The following KIF25 variants were observed in gnomAD, a reference collection of about 807,000 sequenced individuals.
KIF25 encodes kinesin family member 25.
Under a neutral mutation model 32.9 loss-of-function variants are expected in KIF25, and 19 were observed. The observed-to-expected ratio is 0.58, with a 90% confidence interval of 0.40 to 0.85. KIF25 has a LOEUF of 0.85. Among genes scored for constraint, KIF25 ranks in the 40% least tolerant of loss-of-function variants. KIF25 has a pLI of 0.00. For synonymous variants in KIF25, 225 were observed against 213.7 expected (o/e 1.05, Z -0.46); for missense variants, 485 against 507.0 (o/e 0.96, Z 0.42).
intron 4 of KIF25, among the ~76,000 whole-genome samples, chr6:168,017,609 G>T (rs2114881324): frequency 6.6e-6 from 1 of 152,306 alleles, no homozygotes; most frequent in Non-Finnish European, 1.5e-5. Context: ...ACTGTCAAGG[G>T]CCCTTAGAGT....
chr6:167,999,437 C>G (rs941903904), intron 2 of KIF25, 117 bp downstream of exon 2: 2 of 152,366 alleles, frequency 1.3e-5, no homozygotes, highest in African/African-American at 4.8e-5. Flanking sequence ...AGGACATTCT[C>G]GAGTTGTGGG....
At position 168,042,759 on chromosome 6, in the gene KIF25, A is replaced by G. The variant is rs376288115; in HGVS notation, c.985+43A>G. On this transcript the variant is annotated intron_variant, in intron 12 of 12. Transcript: ENST00000643607. ...AATGCCCCAGGATGGGGGACCACGTACCCCAGGACATGTGCACACACTTCT... is the reference window on the plus strand; with the variant it reads ...AATGCCCCAGGATGGGGGACCACGTGCCCCAGGACATGTGCACACACTTCT... 2.4e-5 allele frequency: 37 copies of G among 1,570,852 alleles called. No individual in the cohort carries two copies. In the African/African-American group the frequency reaches 4.6e-4, roughly 19 times the overall value.
chr6:168,038,722 G>T lies in KIF25; in HGVS notation c.487G>T (p.Ala163Ser). 1 of 1,613,266 alleles carries T rather than the reference G, an allele frequency of 6.2e-7. No homozygotes were observed. The highest frequency in any genetic ancestry group is 8.5e-7 in the Non-Finnish European group (1 of 1,179,894). ...TGGACGGACAGAGGTTGCGCTGCTG[G>T]CCTCTGAGTGAGTACTGCACCTGCC... ...KDGRTEVALL[A>S]SEAVGSASKL... The change falls in exon 9 of 13, where the codon GCC (alanine) becomes TCC (serine). Residue 163 changes from alanine (A) to serine (S), a missense_variant. Coordinates refer to ENST00000643607, the MANE Select transcript of KIF25 (RefSeq NM_030615.4).
At chr6:168,008,825 T>G (rs1470290956) in intron 4 of KIF25, among the ~76,000 whole-genome samples, 1 of 152,172 alleles carries the variant, frequency 6.6e-6, no homozygotes. Flanking sequence ...TTTTAAATTT[T>G]TTGCAGCTAT....
At chr6:168,016,624 C>CA (rs1410123156) in intron 4 of KIF25, among the ~76,000 whole-genome samples, 5 of 152,254 alleles carry the variant, frequency 3.3e-5, no homozygotes, top group African/African-American at 1.2e-4. Context: ...CAACAGGTGG[C>CA]ATTCTGCGTC....
At chr6:168,024,423 CTTTTTTTTTTTT>C (rs56243912) in intron 5 of KIF25, among the ~76,000 whole-genome samples, 34 of 61,998 alleles carry the variant, frequency 5.5e-4, no homozygotes, top group African/African-American at 2.0e-3. Flanking sequence ...AAACCTCTCT[CTTTTTTTTTTTT>C]TTTTTTTTTT....
intron 4 of KIF25, among the ~76,000 whole-genome samples, chr6:168,005,781 G>A (rs370321398): frequency 4.6e-5 from 7 of 152,278 alleles, no homozygotes; most frequent in East Asian, 3.9e-4. Context: ...ATTTGCTGGC[G>A]GCTGATTAGA....
chr6:168,001,415 C>T (rs1370938802), intron 2 of KIF25, among the ~76,000 whole-genome samples: 4 of 152,246 alleles, frequency 2.6e-5, no homozygotes, highest in Non-Finnish European at 5.9e-5. Flanking sequence ...TTACATGGCA[C>T]TTCCAGACGG....
intron 5 of KIF25, among the ~76,000 whole-genome samples, chr6:168,026,019 G>T (rs138710124): frequency 2.6e-5 from 4 of 152,214 alleles, no homozygotes; most frequent in Admixed American, 1.3e-4. Context: ...CTTTCAGGCC[G>T]TTGGTCGTCC....
intron 8 of KIF25, among the ~76,000 whole-genome samples, chr6:168,036,380 CAG>C (rs566476966): frequency 6.6e-6 from 1 of 152,214 alleles, no homozygotes; most frequent in South Asian, 2.1e-4. Flanking sequence ...TGGGCAGGAA[CAG>C]ATGGCAGAGA....
chr6:168,023,686 C>G (rs1414013045), intron 5 of KIF25, among the ~76,000 whole-genome samples: 1 of 152,230 alleles, frequency 6.6e-6, no homozygotes, highest in Non-Finnish European at 1.5e-5. Flanking sequence ...AAGGCGTGAG[C>G]CACCGTGCCC....
intron 5 of KIF25, among the ~76,000 whole-genome samples, chr6:168,020,153 C>T (rs997450677): frequency 6.6e-6 from 1 of 151,840 alleles, no homozygotes; most frequent in Admixed American, 6.6e-5. Flanking sequence ...AACAAACAAA[C>T]AAACAGAGAA....
At position 168,003,651 on chromosome 6, in the gene KIF25, C is replaced by T. The variant is rs1160765983; in HGVS notation, c.-215C>T. The T allele has an allele frequency of 6.6e-6, 1 of 152,236 alleles. No homozygotes were observed. Among genetic ancestry groups the T allele is most frequent in the African/African-American group, 2.4e-5 (1 of 41,446 alleles). The allele number at this position is 152,236 out of a possible 1,614,324, so 9.4% of individuals were successfully genotyped here. ...AGAAGCGGCCCATGCTGTTGATGAC[C>T]TGAGTCTACAAGTTTCCTCACAAAT... On this transcript the variant is annotated 5_prime_UTR_variant, in exon 4 of 13. Transcript: ENST00000643607.
At position 168,040,206 on chromosome 6, in the gene KIF25, T is replaced by G. The variant is rs755565582; in HGVS notation, c.636T>G (p.Ser212=). The part of the protein sequence containing the change: ...ITVTLTTASC[S]DSTADQACSA... ...TGACTCTAACCACAGCCTCCTGCTC[T>G]GACAGCACTGGTAAGTCACCATTTG... The change falls in exon 10 of 13, where the codon TCT becomes TCG. Residue 212 remains serine (S), a synonymous_variant. Coordinates refer to ENST00000643607, the MANE Select transcript of KIF25 (RefSeq NM_030615.4). The G allele has an allele frequency of 6.2e-7, 1 of 1,611,866 alleles. No individual in the cohort carries two copies.
intron 5 of KIF25, among the ~76,000 whole-genome samples, chr6:168,028,570 GT>G (rs947633392): frequency 1.4e-5 from 2 of 145,366 alleles, no homozygotes; most frequent in Non-Finnish European, 3.0e-5. Context: ...TTCTATTCTC[GT>G]TCTTTTATTT....
At position 168,019,734 on chromosome 6, in the gene KIF25, A is replaced by T. The variant is rs549399208; in HGVS notation, c.-95+1694A>T. On this transcript the variant is annotated intron_variant, in intron 5 of 12. Coordinates refer to ENST00000643607, the MANE Select transcript of KIF25 (RefSeq NM_030615.4). ...CAATTAAAAAGGAAGTGAACAGAGC[A>T]TCATGGCGCCATGGGACCATGATGT... is the stretch of plus-strand genomic sequence containing the variant. Among the ~76,000 whole-genome samples the T allele has an allele frequency of 5.3e-5, 8 of 152,358 alleles. No individual in the cohort carries two copies. The East Asian group carries it at 1.5e-3, about 29-fold the overall frequency.
At chr6:168,027,935 C>T (rs1327224384) in intron 5 of KIF25, among the ~76,000 whole-genome samples, 2 of 152,160 alleles carry the variant, frequency 1.3e-5, no homozygotes, top group Non-Finnish European at 2.9e-5. Flanking sequence ...GCCGCCGCTA[C>T]TTTCTCAGTC....
At chr6:168,010,850 T>G (rs1798638411) in intron 4 of KIF25, among the ~76,000 whole-genome samples, 1 of 152,170 alleles carries the variant, frequency 6.6e-6, no homozygotes, top group South Asian at 2.1e-4. Context: ...ATCCCTTTAT[T>G]GTGTAATGTC....
At chr6:168,019,811 C>T (rs1272085891) in intron 5 of KIF25, among the ~76,000 whole-genome samples, 2 of 152,108 alleles carry the variant, frequency 1.3e-5, no homozygotes, top group African/African-American at 2.4e-5. Flanking sequence ...CAAAAGGTGA[C>T]GGGAGTGGGC....
Sources: allele counts gnomAD v4.1 joint callset (sites outside exome capture counted in the v4.1 genomes callset), GRCh38; gene constraint gnomAD v4.1.1; transcripts MANE v1.5; gene names NCBI Gene and HGNC (gene_info 2026-07-23, HGNC 2026-07-21).